ARID4B: variants seen among roughly 807,000 people sequenced by gnomAD.
ARID4B encodes the protein AT-rich interaction domain 4B, also known as AT-rich interactive domain-containing protein 4B.
ARID4B carries 26 observed loss-of-function variants against 147.5 expected under a neutral mutation model. That is an observed-to-expected ratio of 0.18 (90% CI 0.13 to 0.24). The LOEUF (loss-of-function observed/expected upper bound fraction) is 0.24, where lower values mean the gene tolerates loss of function less well. Ranked by LOEUF, ARID4B falls within the 10% of genes least tolerant of loss-of-function variation. The pLI, the probability that ARID4B is intolerant of heterozygous loss-of-function variation, is 1.00. For missense variants in ARID4B, 1,179 were observed against 1,511.5 expected (o/e 0.78, Z 3.65); for synonymous variants, 512 against 507.9 (o/e 1.01, Z -0.11).
intron 2 of ARID4B, among the ~76,000 whole-genome samples, chr1:235,284,682 C>G (rs1486423070): frequency 1.3e-5 from 2 of 151,974 alleles, no homozygotes; most frequent in African/African-American, 4.8e-5. Context: ...GAATTATTCC[C>G]AACTCATTCT....
At chr1:235,223,986 A>G (rs1359338642) in intron 12 of ARID4B, among the ~76,000 whole-genome samples, 1 of 152,182 alleles carries the variant, frequency 6.6e-6, no homozygotes, top group African/African-American at 2.4e-5. Context: ...TTTTATATTG[A>G]AAAAGAAAAT....
At chr1:235,192,724 T>C (rs1485202035) in intron 19 of ARID4B, among the ~76,000 whole-genome samples, 2 of 152,226 alleles carry the variant, frequency 1.3e-5, no homozygotes, top group Non-Finnish European at 1.5e-5. Flanking sequence ...GCCAGTCAGA[T>C]TTAATAAATC....
intron 2 of ARID4B, among the ~76,000 whole-genome samples, chr1:235,279,588 T>C (rs1671539166): frequency 6.6e-6 from 1 of 152,180 alleles, no homozygotes; most frequent in South Asian, 2.1e-4. Flanking sequence ...AAGCTAATCT[T>C]CTATGCAGAA....
At position 235,208,685 on chromosome 1, in the gene ARID4B, T is replaced by TC. The variant is rs397767219; in HGVS notation, c.1841+5083_1841+5084insG. ...GCCTGGCTAATTTTGTGTTTTTTTT[T>TC]AGTAGAGATGGGGTTTCTTCATGTT... On this transcript the variant is annotated intron_variant, in intron 17 of 23. Coordinates refer to ENST00000264183, the MANE Select transcript of ARID4B (RefSeq NM_016374.6). Among the ~76,000 whole-genome samples, 194 of 151,744 alleles carry TC rather than the reference T, an allele frequency of 1.3e-3. 2 individuals carry two copies. Among genetic ancestry groups the TC allele is most frequent in the African/African-American group, 4.6e-3 (190 of 41,428 alleles).
intron 2 of ARID4B, among the ~76,000 whole-genome samples, chr1:235,321,622 C>G (rs1674844289): frequency 6.6e-6 from 1 of 151,958 alleles, no homozygotes; most frequent in African/African-American, 2.4e-5. Context: ...TCTCCTGCCT[C>G]AGCGTCCTAC....
At chr1:235,250,322 C>T (rs1169348630) in intron 6 of ARID4B, among the ~76,000 whole-genome samples, 1 of 152,002 alleles carries the variant, frequency 6.6e-6, no homozygotes, top group East Asian at 1.9e-4. Context: ...ACTACTAATA[C>T]TCTGAATGGT....
intron 5 of ARID4B, among the ~76,000 whole-genome samples, chr1:235,254,473 AT>A (rs1669826815): frequency 6.6e-6 from 1 of 151,988 alleles, no homozygotes; most frequent in Non-Finnish European, 1.5e-5. Flanking sequence ...TAAAACAAAA[AT>A]AAAAATAAAT....
intron 7 of ARID4B, among the ~76,000 whole-genome samples, chr1:235,242,640 G>A (rs147447391): frequency 6.6e-6 from 1 of 152,052 alleles, no homozygotes; most frequent in East Asian, 1.9e-4. Context: ...GAGAAAATTG[G>A]GCTTTATTTG....
intron 9 of ARID4B, among the ~76,000 whole-genome samples, chr1:235,233,846 C>T (rs1668395500): frequency 6.6e-6 from 1 of 152,130 alleles, no homozygotes; most frequent in South Asian, 2.1e-4. Flanking sequence ...CTTTGGGGTT[C>T]GAGGCGGGCA....
chr1:235,182,256 G>T lies in ARID4B; in HGVS notation c.2663C>A (p.Ser888Tyr). 1 of 1,612,808 alleles carries T rather than the reference G, an allele frequency of 6.2e-7. No homozygotes were observed. The highest frequency in any genetic ancestry group is 8.5e-7 in the Non-Finnish European group (1 of 1,179,738). The change falls in exon 20 of 24, where the codon TCT becomes TAT. Residue 888 changes from serine to tyrosine, a missense_variant. By Grantham distance (144) the Ser-to-Tyr change is moderately radical. This residue lies in a region of ARID4B where 321 missense variants were observed against 342.4 expected (regional missense o/e 0.94). Coordinates refer to ENST00000264183, the MANE Select transcript of ARID4B (RefSeq NM_016374.6). Reference protein sequence around the residue: ...KYNGLEEKRKSLRTTGFYSGF... With the variant: ...KYNGLEEKRKYLRTTGFYSGF... ...TGAATAGAAACCAGTTGTCCGTAGAGATTTTCTTTTTTCCTCCAAACCATT... is the reference window on the plus strand; with the variant it reads ...TGAATAGAAACCAGTTGTCCGTAGATATTTTCTTTTTTCCTCCAAACCATT...
intron 8 of ARID4B, among the ~76,000 whole-genome samples, chr1:235,236,686 G>C (rs1049325124): frequency 6.7e-6 from 1 of 149,170 alleles, no homozygotes; most frequent in African/African-American, 2.5e-5. Context: ...GCTAATTTTT[G>C]TATTTTAGTA....
intron 2 of ARID4B, among the ~76,000 whole-genome samples, chr1:235,264,010 C>T (rs189346313): frequency 1.2e-3 from 184 of 151,964 alleles, no homozygotes; most frequent in Non-Finnish European, 2.1e-3. Context: ...AAAAGACTTG[C>T]AGAAGGAAAC....
At chr1:235,318,591 G>A (rs1054609886) in intron 2 of ARID4B, among the ~76,000 whole-genome samples, 6 of 152,120 alleles carry the variant, frequency 3.9e-5, no homozygotes, top group Non-Finnish European at 8.8e-5. Context: ...CTTATAGACA[G>A]AAAGTAAATG....
At chr1:235,249,936 C>A (rs1410722433) in intron 6 of ARID4B, among the ~76,000 whole-genome samples, 1 of 127,154 alleles carries the variant, frequency 7.9e-6, no homozygotes, top group East Asian at 2.1e-4. Flanking sequence ...GAGACTCCAT[C>A]TCAAAAAAAA....
intron 2 of ARID4B, among the ~76,000 whole-genome samples, chr1:235,287,132 G>A (rs766106443): frequency 6.6e-6 from 1 of 152,140 alleles, no homozygotes; most frequent in African/African-American, 2.4e-5. Flanking sequence ...GGTGGCAGGT[G>A]CCTGTAGTCC....
intron 2 of ARID4B, among the ~76,000 whole-genome samples, chr1:235,266,268 G>A (rs1176820002): frequency 6.6e-6 from 1 of 152,106 alleles, no homozygotes; most frequent in Non-Finnish European, 1.5e-5. Flanking sequence ...GGTTAACTAA[G>A]ATTCTTTTGA....
chr1:235,233,970 T>A (rs1156677981), intron 9 of ARID4B, among the ~76,000 whole-genome samples: 1 of 152,052 alleles, frequency 6.6e-6, no homozygotes, highest in East Asian at 1.9e-4. Context: ...TCCCAGCTAC[T>A]CAGGAGGCTG....
chr1:235,305,050 GTTGCTAATTA>G (rs1673447707), intron 2 of ARID4B, among the ~76,000 whole-genome samples: 1 of 152,198 alleles, frequency 6.6e-6, no homozygotes, highest in Admixed American at 6.5e-5. Flanking sequence ...TGGAATCAGA[GTTGCTAATTA>G]GTTGACCTTG....
intron 2 of ARID4B, among the ~76,000 whole-genome samples, chr1:235,281,376 C>T (rs1413184136): frequency 2.0e-5 from 3 of 152,080 alleles, no homozygotes; most frequent in Admixed American, 2.0e-4. Context: ...CGTGGTGAAA[C>T]CCTGTCTCTA....
Sources: allele counts gnomAD v4.1 joint callset (sites outside exome capture counted in the v4.1 genomes callset), GRCh38; gene constraint gnomAD v4.1.1; regional missense constraint gnomAD v4.1.1; transcripts MANE v1.5; gene names NCBI Gene and HGNC (gene_info 2026-07-23, HGNC 2026-07-21).